OR2L3: variants seen among roughly 807,000 people sequenced by gnomAD.
The protein encoded by OR2L3 is olfactory receptor family 2 subfamily L member 3.
For missense variants in OR2L3, 369 were observed against 376.6 expected, an observed-to-expected ratio of 0.98 and a Z score of 0.17; for synonymous variants, 131 against 139.1, an observed-to-expected ratio of 0.94 and a Z score of 0.41.
chr1:248,061,169 T>C lies in OR2L3; in HGVS notation c.488T>C (p.Leu163Pro). The C allele has an allele frequency of 6.2e-7, 1 of 1,613,140 alleles. No individual in the cohort carries two copies. The highest frequency in any genetic ancestry group is 8.5e-7 in the Non-Finnish European group (1 of 1,179,576). The change falls in exon 2 of 2, where the codon CTC (leucine) becomes CCC (proline). Residue 163 changes from leucine to proline, a missense_variant. Physicochemically the swap from Leu to Pro is moderately conservative, Grantham distance 98. Coordinates refer to ENST00000359959, the MANE Select transcript of OR2L3 (RefSeq NM_001004687.2). The stretch of plus-strand genomic sequence containing the variant: ...GCTTGTGCTCACACTGTATATGTAC[T>C]CCATATTCCTTATTGCCAATCCAGG... ...INACAHTVYV[L>P]HIPYCQSRAI...
intron 1 of OR2L3, among the ~76,000 whole-genome samples, chr1:248,053,464 A>C (rs986209092): frequency 7.2e-5 from 11 of 152,214 alleles, no homozygotes; most frequent in African/African-American, 2.7e-4. Flanking sequence ...CTTTGGGTAT[A>C]CACCCAGTAA....
chr1:248,047,405 G>A (rs1663111680), intron 1 of OR2L3, among the ~76,000 whole-genome samples: 1 of 152,114 alleles, frequency 6.6e-6, no homozygotes, highest in African/African-American at 2.4e-5. Context: ...GCATAAAAAT[G>A]TTAAAGGGGC....
Position 248,061,749 on chromosome 1 carries a change from G to A in OR2L3, c.*129G>A. On this transcript the variant is annotated 3_prime_UTR_variant, in exon 2 of 2. Coordinates refer to ENST00000359959, the MANE Select transcript of OR2L3 (RefSeq NM_001004687.2). ...ATCAAGGTAAGAGAAAAAAATCACT[G>A]ATTTCTGGACAAAATTGTTTTACAT... 1 of 831,012 alleles carries A rather than the reference G, an allele frequency of 1.2e-6. No individual in the cohort carries two copies. Among genetic ancestry groups the A allele is most frequent in the South Asian group, 2.3e-5 (1 of 44,064 alleles). The allele number at this position is 831,012 out of a possible 1,614,324, so 51.5% of individuals were successfully genotyped here. A position where few individuals can be genotyped will look rare whatever the true frequency, so the allele number is the denominator to read the frequency against.
At position 248,063,270 on chromosome 1, in the gene OR2L3, T is replaced by G. The variant is rs1287908559; in HGVS notation, c.*1650T>G. 6.6e-6 allele frequency: 1 copy of G among 152,266 alleles called. No individual in the cohort carries two copies. The highest frequency in any genetic ancestry group is 1.5e-5 in the Non-Finnish European group (1 of 68,048). 9.4% of individuals were successfully genotyped at this position (152,266 alleles called of 1,614,324 possible). On this transcript the variant is annotated 3_prime_UTR_variant, in exon 2 of 2. Coordinates refer to ENST00000359959, the MANE Select transcript of OR2L3 (RefSeq NM_001004687.2). The stretch of plus-strand genomic sequence containing the variant: ...CCTCTTCATTTTCTTTCACCAGTGA[T>G]TTGTACAAATACATTCTAGTGTTCT...
chr1:248,056,633 G>T (rs1283097498), intron 1 of OR2L3, among the ~76,000 whole-genome samples: 1 of 147,242 alleles, frequency 6.8e-6, no homozygotes, highest in African/African-American at 2.5e-5. Context: ...TCAGGAGCAG[G>T]TTGTTCTATT....
At position 248,062,415 on chromosome 1, in the gene OR2L3, C is replaced by A. The variant is rs1180943345; in HGVS notation, c.*795C>A. On this transcript the variant is annotated 3_prime_UTR_variant, in exon 2 of 2. Coordinates refer to ENST00000359959, the MANE Select transcript of OR2L3 (RefSeq NM_001004687.2). ...TTTTGCCAGCACCTTATATTGAAGA[C>A]ACTGTCTTTTTCCCAATGAACAGTC... 6.6e-6 allele frequency: 1 copy of A among 152,176 alleles called. No individual in the cohort carries two copies. The highest frequency in any genetic ancestry group is 1.9e-4 in the East Asian group (1 of 5,198). 9.4% of individuals were successfully genotyped at this position (152,176 alleles called of 1,614,324 possible). A position where few individuals can be genotyped will look rare whatever the true frequency, so the allele number is the denominator to read the frequency against.
Position 248,061,501 on chromosome 1 carries a change from G to A in OR2L3, c.820G>A (p.Ala274Thr). The change falls in exon 2 of 2, where the codon GCT becomes ACT. Residue 274 changes from alanine to threonine, a missense_variant. By Grantham distance (58) the Ala-to-Thr change is moderately conservative (BLOSUM62 0). Transcript: ENST00000359959. The part of the protein sequence containing the change: ...LRSPTEDKVL[A>T]VFYTTLTPML... ...ATCTCCAACAGAGGACAAGGTTCTGGCTGTCTTCTACACCACCCTCACTCC... is the reference window on the plus strand; with the variant it reads ...ATCTCCAACAGAGGACAAGGTTCTGACTGTCTTCTACACCACCCTCACTCC... The A allele has an allele frequency of 6.2e-7, 1 of 1,613,820 alleles. No homozygotes were observed. Among genetic ancestry groups the A allele is most frequent in the Non-Finnish European group, 8.5e-7 (1 of 1,179,896 alleles).
At chr1:248,058,429 T>A (rs530701623) in intron 1 of OR2L3, among the ~76,000 whole-genome samples, 1 of 152,304 alleles carries the variant, frequency 6.6e-6, no homozygotes, top group African/African-American at 2.4e-5. Flanking sequence ...ACAGCAGAAC[T>A]GCATTACACC....
chr1:248,060,759 C>T lies in OR2L3; in HGVS notation c.78C>T (p.Leu26=). 1 of 1,614,064 alleles carries T rather than the reference C, an allele frequency of 6.2e-7. No homozygotes were observed. The highest frequency in any genetic ancestry group is 8.5e-7 in the Non-Finnish European group (1 of 1,179,976). ...FFPPSRIGLF[L]FILIVFIFLM... is the part of the protein sequence containing the mutation. The stretch of plus-strand genomic sequence containing the variant: ...CACCATCAAGAATTGGCCTTTTCCT[C>T]TTCATCCTCATTGTTTTCATTTTCC... Residue 26 remains leucine (L), a synonymous_variant, in exon 2 of 2, where the codon CTC becomes CTT. Coordinates refer to ENST00000359959, the MANE Select transcript of OR2L3 (RefSeq NM_001004687.2).
chr1:248,057,410 G>T (rs1392502429), intron 1 of OR2L3, among the ~76,000 whole-genome samples: 2 of 151,968 alleles, frequency 1.3e-5, no homozygotes, highest in African/African-American at 4.8e-5. Flanking sequence ...TGTCTTTTTT[G>T]ACCTTTGTTG....
Position 248,060,651 on chromosome 1 carries a change from C to T in OR2L3, c.-21-10C>T. 6.5e-7 allele frequency: 1 copy of T among 1,549,870 alleles called. No homozygotes were observed. Among genetic ancestry groups the T allele is most frequent in the South Asian group, 1.2e-5 (1 of 84,654 alleles). ...TTCTGTGCTTAACTTACCCTTGTGT[C>T]TCCCTTCAGGAAAGAGCACACGAAT... On this transcript the variant is annotated splice_polypyrimidine_tract_variant and intron_variant, in intron 1 of 1. Coordinates refer to ENST00000359959, the MANE Select transcript of OR2L3 (RefSeq NM_001004687.2).
intron 1 of OR2L3, among the ~76,000 whole-genome samples, chr1:248,047,588 G>T (rs1663119616): frequency 6.6e-6 from 1 of 152,270 alleles, no homozygotes; most frequent in South Asian, 2.1e-4. Context: ...GATCCAAATT[G>T]TAGTGTTTTG....
chr1:248,063,249 T>G lies in OR2L3; in HGVS notation c.*1629T>G, dbSNP rs894623055. ...TTCTTTCCATTCATTTGTATTCCTC[T>G]TCATTTTCTTTCACCAGTGATTTGT... is the stretch of plus-strand genomic sequence containing the variant. On this transcript the variant is annotated 3_prime_UTR_variant, in exon 2 of 2. Coordinates refer to ENST00000359959, the MANE Select transcript of OR2L3 (RefSeq NM_001004687.2). 1.3e-5 allele frequency: 2 copies of G among 152,274 alleles called. No individual in the cohort carries two copies. Among genetic ancestry groups the G allele is most frequent in the African/African-American group, 4.8e-5 (2 of 41,468 alleles). The allele number at this position is 152,274 out of a possible 1,614,324, so 9.4% of individuals were successfully genotyped here.
intron 1 of OR2L3, among the ~76,000 whole-genome samples, chr1:248,053,202 G>A (rs1323969780): frequency 1.3e-5 from 2 of 152,156 alleles, no homozygotes; most frequent in East Asian, 3.9e-4. Context: ...AGAATATGCA[G>A]TATTTAGTTT....
At chr1:248,057,250 C>G (rs1053296028) in intron 1 of OR2L3, among the ~76,000 whole-genome samples, 3 of 152,170 alleles carry the variant, frequency 2.0e-5, no homozygotes, top group Middle Eastern at 3.4e-3. Context: ...AAGTCTCTCA[C>G]TATTATTGTG....
intron 1 of OR2L3, among the ~76,000 whole-genome samples, chr1:248,057,475 T>C (rs543481740): frequency 1.8e-4 from 27 of 152,320 alleles, no homozygotes; most frequent in African/African-American, 6.3e-4. Flanking sequence ...TTTTCCTTTT[T>C]TCCTTTTGCT....
At chr1:248,049,072 A>G (rs1422977035) in intron 1 of OR2L3, among the ~76,000 whole-genome samples, 2 of 152,104 alleles carry the variant, frequency 1.3e-5, no homozygotes, top group Non-Finnish European at 2.9e-5. Flanking sequence ...ATAGGGAGTA[A>G]AATCTGTGCC....
At chr1:248,060,443 A>G (rs955827823) in intron 1 of OR2L3, among the ~76,000 whole-genome samples, 2 of 152,202 alleles carry the variant, frequency 1.3e-5, no homozygotes, top group African/African-American at 4.8e-5. Flanking sequence ...AGTATACTGT[A>G]TATTCATTCT....
Position 248,061,779 on chromosome 1 carries a change from A to G in OR2L3, c.*159A>G, listed in dbSNP as rs1235946440. The G allele has an allele frequency of 6.6e-6, 4 of 601,848 alleles. No individual in the cohort carries two copies. Among genetic ancestry groups the G allele is most frequent in the African/African-American group, 1.8e-5 (1 of 54,508 alleles). 37.3% of individuals were successfully genotyped at this position (601,848 alleles called of 1,614,324 possible). A position where few individuals can be genotyped will look rare whatever the true frequency, so the allele number is the denominator to read the frequency against. ...CTGGACAAAATTGTTTTACATATAT[A>G]TGTATATATAACTCCAAACAACCTT... On this transcript the variant is annotated 3_prime_UTR_variant, in exon 2 of 2. Transcript: ENST00000359959.
Sources: gnomAD v4.1 joint callset for allele counts (sites outside exome capture counted in the v4.1 genomes callset) on GRCh38, gnomAD v4.1.1 for gene constraint, MANE v1.5 for transcripts, NCBI Gene and HGNC (gene_info 2026-07-23, HGNC 2026-07-21) for gene names.